GRID2: variants seen among roughly 807,000 people sequenced by gnomAD.
GRID2 encodes glutamate receptor ionotropic, delta-2.
GRID2 carries 33 observed loss-of-function variants against 114.8 expected under a neutral mutation model. The ratio of observed to expected loss-of-function variants is 0.29; its 90% confidence interval spans 0.22 to 0.38. The LOEUF is 0.38. Among genes scored for constraint, GRID2 ranks in the 10% least tolerant of loss-of-function variants. GRID2 has a pLI of 1.00. For missense variants in GRID2, 1,184 were observed against 1,257.7 expected (o/e 0.94, Z 0.89); for synonymous variants, 505 against 449.9 (o/e 1.12, Z -1.55).
chr4:92,666,549 A>T (rs961282917), intron 2 of GRID2, among the ~76,000 whole-genome samples: 1 of 150,422 alleles, frequency 6.6e-6, no homozygotes, highest in African/African-American at 2.4e-5. Context: ...TCACTCCTTC[A>T]CCTGGATATG....
intron 3 of GRID2, among the ~76,000 whole-genome samples, chr4:93,088,769 C>T (rs1321895669): frequency 6.6e-6 from 1 of 152,028 alleles, no homozygotes; most frequent in Non-Finnish European, 1.5e-5. Flanking sequence ...GAAGTAAGAA[C>T]TTTACTGTCA....
intron 2 of GRID2, among the ~76,000 whole-genome samples, chr4:92,895,246 G>C (rs1237710645): frequency 6.6e-6 from 1 of 151,588 alleles, no homozygotes; most frequent in East Asian, 1.9e-4. Flanking sequence ...GGCAAAACAA[G>C]GTTCTAAAGA....
At chr4:92,780,819 G>A (rs1739036222) in intron 2 of GRID2, among the ~76,000 whole-genome samples, 1 of 152,090 alleles carries the variant, frequency 6.6e-6, no homozygotes, top group Admixed American at 6.6e-5. Context: ...TTGCTTATAT[G>A]CCTTCTGATC....
chr4:93,250,379 G>T (rs185371208), intron 8 of GRID2, among the ~76,000 whole-genome samples: 1 of 151,502 alleles, frequency 6.6e-6, no homozygotes, highest in South Asian at 2.1e-4. Flanking sequence ...TAGCATTAGG[G>T]GAAATACCTA....
At chr4:93,152,409 T>C (rs549557081) in intron 4 of GRID2, among the ~76,000 whole-genome samples, 1 of 152,190 alleles carries the variant, frequency 6.6e-6, no homozygotes, top group East Asian at 1.9e-4. Context: ...TTTAAAAACA[T>C]GAAGACAAAG....
At chr4:92,659,281 C>A (rs1439296107) in intron 2 of GRID2, among the ~76,000 whole-genome samples, 2 of 151,450 alleles carry the variant, frequency 1.3e-5, no homozygotes, top group Non-Finnish European at 3.0e-5. Flanking sequence ...TTTTTACAAA[C>A]AACACTTTAC....
intron 1 of GRID2, among the ~76,000 whole-genome samples, chr4:92,312,611 A>G (rs1287653480): frequency 6.7e-6 from 1 of 148,548 alleles, no homozygotes; most frequent in Non-Finnish European, 1.5e-5. Flanking sequence ...ACAAATCAAA[A>G]TGTGCATTTA....
At chr4:93,358,580 AT>A (rs2149271155) in intron 8 of GRID2, among the ~76,000 whole-genome samples, 1 of 152,158 alleles carries the variant, frequency 6.6e-6, no homozygotes, top group East Asian at 1.9e-4. Flanking sequence ...CCATAATGCA[AT>A]AACTCTAGAA....
chr4:93,407,818 T>C (rs1282594337), intron 9 of GRID2, among the ~76,000 whole-genome samples: 2 of 131,366 alleles, frequency 1.5e-5, no homozygotes, highest in Non-Finnish European at 3.1e-5. Flanking sequence ...CTCTTCCTCC[T>C]CCTCCTTCTC....
chr4:93,735,722 ATTAACTCAT>A (rs2110237545), intron 14 of GRID2, among the ~76,000 whole-genome samples: 1 of 152,176 alleles, frequency 6.6e-6, no homozygotes, highest in African/African-American at 2.4e-5. Flanking sequence ...TTTCTTCTGT[ATTAACTCAT>A]TTAGTGGAAA....
intron 8 of GRID2, chr4:93,306,322 G>C (rs1035915561): frequency 1.3e-5 from 2 of 152,196 alleles, no homozygotes; most frequent in Admixed American, 6.5e-5. Context: ...TTTTCCAGAT[G>C]TGAGATTGCT....
chr4:92,621,211 G>T (rs189066925), intron 2 of GRID2, among the ~76,000 whole-genome samples: 10 of 151,768 alleles, frequency 6.6e-5, no homozygotes, highest in South Asian at 2.1e-4. Flanking sequence ...TTAGAGCTGA[G>T]ATTTTAACCC....
At chr4:92,888,337 A>G (rs994649692) in intron 2 of GRID2, among the ~76,000 whole-genome samples, 2 of 152,168 alleles carry the variant, frequency 1.3e-5, no homozygotes, top group African/African-American at 4.8e-5. Context: ...TTAAATATTT[A>G]GTAAGAAAGT....
chr4:92,946,220 C>A (rs1022567919), intron 2 of GRID2, among the ~76,000 whole-genome samples: 1 of 152,048 alleles, frequency 6.6e-6, no homozygotes, highest in African/African-American at 2.4e-5. Context: ...GGAGGTCTGG[C>A]AAACAATTTA....
At chr4:93,191,442 C>T (rs898384661) in intron 4 of GRID2, among the ~76,000 whole-genome samples, 4 of 151,822 alleles carry the variant, frequency 2.6e-5, no homozygotes, top group South Asian at 2.1e-4. Flanking sequence ...ATTTGTTGAA[C>T]GTAATTGAAC....
intron 14 of GRID2, among the ~76,000 whole-genome samples, chr4:93,672,305 C>T (rs892483946): frequency 6.6e-5 from 10 of 152,262 alleles, no homozygotes; most frequent in African/African-American, 2.2e-4. Flanking sequence ...TAACTCCATA[C>T]ATCCAAGGGT....
At chr4:93,722,713 C>T (rs1039846633) in intron 14 of GRID2, among the ~76,000 whole-genome samples, 1 of 152,230 alleles carries the variant, frequency 6.6e-6, no homozygotes, top group Non-Finnish European at 1.5e-5. Context: ...GTCTCCTGCT[C>T]TCCATCTCCA....
chr4:92,361,875 T>A (rs1728636782), intron 1 of GRID2, among the ~76,000 whole-genome samples: 1 of 151,968 alleles, frequency 6.6e-6, no homozygotes, highest in Non-Finnish European at 1.5e-5. Context: ...GCTTCCTCTT[T>A]CCATTCTAGG....
intron 2 of GRID2, among the ~76,000 whole-genome samples, chr4:93,047,824 A>G (rs1053521885): frequency 6.6e-6 from 1 of 151,736 alleles, no homozygotes; most frequent in South Asian, 2.1e-4. Flanking sequence ...CCCCAGGTAG[A>G]TGAATACTCT....
Sources: gnomAD v4.1 joint callset for allele counts (sites outside exome capture counted in the v4.1 genomes callset) on GRCh38, gnomAD v4.1.1 for gene constraint, MANE v1.5 for transcripts, NCBI Gene and HGNC (gene_info 2026-07-23, HGNC 2026-07-21) for gene names.